VAV2: variants seen among roughly 807,000 people sequenced by gnomAD.
VAV2 encodes the protein guanine nucleotide exchange factor VAV2.
In VAV2, 67 loss-of-function variants were observed where a neutral mutation model predicts 132.5. The ratio of observed to expected loss-of-function variants is 0.51; its 90% CI spans 0.42 to 0.62. The LOEUF is 0.62. VAV2 is among the 20% of genes least tolerant of loss of function. VAV2 has a pLI of 0.00. For synonymous variants in VAV2, 492 were observed against 443.5 expected, an observed-to-expected ratio of 1.11 and a Z score of -1.37; for missense variants, 938 against 1,153.6, an observed-to-expected ratio of 0.81 and a Z score of 2.71.
At chr9:133,934,830 G>A (rs1840845781) in intron 2 of VAV2, among the ~76,000 whole-genome samples, 1 of 152,188 alleles carries the variant, frequency 6.6e-6, no homozygotes, top group East Asian at 1.9e-4. Flanking sequence ...GGCCCCTCTT[G>A]TCTGCCTCTA....
chr9:133,992,204 C>T lies in VAV2; in HGVS notation c.75G>A (p.Trp25Ter). 1 of 1,597,186 alleles carries T rather than the reference C, an allele frequency of 6.3e-7. No homozygotes were observed. Among genetic ancestry groups the T allele is most frequent in the Non-Finnish European group, 8.5e-7 (1 of 1,172,208 alleles). ...KVLPPNHRVVWPSAVVFDLAQ... is the reference protein window; with the variant it reads ...KVLPPNHRVV ...CCAGGTCGAAGACCACGGCCGAGGG[C>T]CACACCACCCGGTGGTTGGGCGGCA... The change falls in exon 1 of 30, where the codon TGG becomes TGA. Residue 25 changes from tryptophan to a stop codon, truncating the protein, a stop_gained. Coordinates refer to ENST00000371850, the MANE Select transcript of VAV2 (RefSeq NM_001134398.2). LOFTEE classifies it high-confidence loss of function. The surrounding 1 kb of genome is among the most constrained non-coding windows in gnomAD (Gnocchi z 5.5).
chr9:133,838,483 G>GTGGA (rs1456040591), intron 3 of VAV2, among the ~76,000 whole-genome samples: 2 of 82,244 alleles, frequency 2.4e-5, no homozygotes, highest in Non-Finnish European at 4.8e-5. Flanking sequence ...GGGTGGATGG[G>GTGGA]TGGATGGATG....
At chr9:133,974,258 C>T (rs1170295240) in intron 1 of VAV2, among the ~76,000 whole-genome samples, 3 of 152,166 alleles carry the variant, frequency 2.0e-5, no homozygotes, top group African/African-American at 7.2e-5. Context: ...CGGTCAGTAA[C>T]GCTTGCTGGG....
Position 133,961,084 on chromosome 9 carries a change from G to A in VAV2, c.205-21865C>T, listed in dbSNP as rs536104826. 1.3e-5 allele frequency among the ~76,000 whole-genome samples: 2 copies of A among 152,332 alleles called. No individual in the cohort carries two copies. The highest frequency in any genetic ancestry group is 2.1e-4 in the South Asian group (1 of 4,824). ...CTGGCCCACACCCGGCACACATCAC[G>A]GGCGGCCCCAAGCTCTCCAGGTGGG... On this transcript the variant is annotated intron_variant, in intron 1 of 29. Transcript: ENST00000371850. This position sits in a 1 kb window ranked among gnomAD's most constrained non-coding sequence, Gnocchi z 4.1.
At chr9:133,865,508 T>C (rs1837763211) in intron 2 of VAV2, among the ~76,000 whole-genome samples, 1 of 152,258 alleles carries the variant, frequency 6.6e-6, no homozygotes, top group Non-Finnish European at 1.5e-5. Flanking sequence ...AGACACATAC[T>C]GAGTTTTTCA....
In VAV2 at chr9:133,783,489, A is replaced by AG. The variant is rs56145872; in HGVS notation, c.1723+13dup. 0.85 allele frequency: 1,353,179 copies of AG among 1,591,018 alleles called. 579,479 individuals are homozygous for AG. Among genetic ancestry groups the AG allele is most frequent in the East Asian group, 0.97 (43,477 of 44,670 alleles). ...GGCCAGGGACTGGGGTGGGGGGGTG[A>AG]GGGGGGTACTCACTGAACTTGCAGG... On this transcript the variant is annotated intron_variant, in intron 19 of 29. Coordinates refer to ENST00000371850, the MANE Select transcript of VAV2 (RefSeq NM_001134398.2).
rs79031377 is a variant in VAV2 at position 133,812,189 on chromosome 9, G to A, written c.477C>T (p.Tyr159=). Residue 159 remains tyrosine (Y), a synonymous_variant, in exon 5 of 30, where the codon TAC becomes TAT. Transcript: ENST00000371850. ...ADEHDLGEDI[Y]DCVPCEDGGD... is the part of the protein sequence containing the mutation. Reference sequence around the variant, plus strand: ...CTCCATCCTCACACGGGACGCAGTCGTAGATGTCCTCCCCCAGGTCATGCT... The same window carrying A: ...CTCCATCCTCACACGGGACGCAGTCATAGATGTCCTCCCCCAGGTCATGCT... 3.1e-4 allele frequency: 494 copies of A among 1,613,942 alleles called. 3 individuals are homozygous for A. In the East Asian group the frequency reaches 9.9e-3, roughly 32 times the overall value.
chr9:133,844,117 G>C (rs1286136068), intron 3 of VAV2, among the ~76,000 whole-genome samples: 1 of 152,252 alleles, frequency 6.6e-6, no homozygotes, highest in African/African-American at 2.4e-5. Context: ...CAGGCGGAAA[G>C]AAATGCTCGG....
chr9:133,903,017 G>C (rs1317475871), intron 2 of VAV2, among the ~76,000 whole-genome samples: 2 of 150,212 alleles, frequency 1.3e-5, no homozygotes, highest in African/African-American at 4.9e-5. Flanking sequence ...AGAGGTTGTA[G>C]TGAGCCAAGA....
intron 4 of VAV2, among the ~76,000 whole-genome samples, chr9:133,825,487 G>C (rs1360293269): frequency 6.6e-6 from 1 of 152,114 alleles, no homozygotes; most frequent in Non-Finnish European, 1.5e-5. Context: ...TTTCAAACTT[G>C]TCCCCTTTGG....
At chr9:133,936,725 C>T (rs548337097) in intron 2 of VAV2, among the ~76,000 whole-genome samples, 4 of 152,302 alleles carry the variant, frequency 2.6e-5, no homozygotes, top group South Asian at 2.1e-4. Context: ...GGGGTCTGCA[C>T]GGTGACATCA....
At chr9:133,853,076 C>T (rs1389944801) in intron 3 of VAV2, among the ~76,000 whole-genome samples, 2 of 152,224 alleles carry the variant, frequency 1.3e-5, no homozygotes, top group Non-Finnish European at 2.9e-5. Context: ...GACTGGATTC[C>T]AGCCGCCAGC....
intron 3 of VAV2, among the ~76,000 whole-genome samples, chr9:133,849,931 C>G (rs1024067483): frequency 1.3e-5 from 2 of 152,230 alleles, no homozygotes; most frequent in Non-Finnish European, 2.9e-5. Context: ...TTATCCAATA[C>G]AGTCCCATTC....
intron 2 of VAV2, among the ~76,000 whole-genome samples, chr9:133,867,465 C>T (rs1027749923): frequency 1.3e-5 from 2 of 152,186 alleles, no homozygotes; most frequent in Non-Finnish European, 2.9e-5. Context: ...CACAAGTCCC[C>T]GGCACCCTGC....
intron 1 of VAV2, among the ~76,000 whole-genome samples, chr9:133,977,045 G>A (rs1047828325): frequency 2.6e-5 from 4 of 152,218 alleles, no homozygotes; most frequent in African/African-American, 7.2e-5. Flanking sequence ...GAGCGACCAC[G>A]CAGCGAGGCT....
intron 2 of VAV2, among the ~76,000 whole-genome samples, chr9:133,882,783 C>G (rs1191660067): frequency 6.6e-6 from 1 of 152,164 alleles, no homozygotes; most frequent in Non-Finnish European, 1.5e-5. Flanking sequence ...CAGACAGACT[C>G]AGGGATACAA....
intron 4 of VAV2, among the ~76,000 whole-genome samples, chr9:133,819,177 C>T (rs907178805): frequency 3.3e-5 from 5 of 151,978 alleles, no homozygotes; most frequent in Non-Finnish European, 7.4e-5. Flanking sequence ...AAGTGAGCAA[C>T]CTCACACCTG....
rs1162952731 is a variant in VAV2, at chr9:133,794,308, G to T, written c.1101+1360C>A. ...TTCTGTCAGCCCGTCATGGCAGGAG[G>T]CTTTCCTGGAGCATTCCTCAGGGTG... On this transcript the variant is annotated intron_variant, in intron 12 of 29. Coordinates refer to ENST00000371850, the MANE Select transcript of VAV2 (RefSeq NM_001134398.2). The surrounding 1 kb of genome is among the most constrained non-coding windows in gnomAD (Gnocchi z 4.6). Among the ~76,000 whole-genome samples, 1 of 152,082 alleles carries T rather than the reference G, an allele frequency of 6.6e-6. No homozygotes were observed. The highest frequency in any genetic ancestry group is 2.4e-5 in the African/African-American group (1 of 41,418).
chr9:133,782,107 G>C (rs546672208), intron 19 of VAV2, among the ~76,000 whole-genome samples: 37 of 138,708 alleles, frequency 2.7e-4, no homozygotes, highest in Non-Finnish European at 5.7e-4. Context: ...CGGCGGGGGC[G>C]GGGCGGGGGA....
Sources: allele counts gnomAD v4.1 joint callset (sites outside exome capture counted in the v4.1 genomes callset), GRCh38; gene constraint gnomAD v4.1.1; non-coding constraint Gnocchi (gnomAD v3.1); transcripts MANE v1.5; gene names NCBI Gene and HGNC (gene_info 2026-07-23, HGNC 2026-07-21).